UPP2: variants seen among roughly 807,000 people sequenced by gnomAD.
UPP2 encodes uridine phosphorylase 2.
A neutral mutation model predicts 26.7 loss-of-function variants in UPP2; 23 were observed. The ratio of observed to expected loss-of-function variants is 0.86; its 90% CI spans 0.62 to 1.22. The LOEUF (loss-of-function observed/expected upper bound fraction) is 1.22, where lower values mean the gene tolerates loss of function less well. UPP2 is among the 50% of genes most tolerant of loss of function. The probability of loss-of-function intolerance (pLI) is 0.00; values close to 1 mark genes in which losing one functional copy is unlikely to be tolerated. For synonymous variants in UPP2, 127 were observed against 141.3 expected (o/e 0.90, Z 0.72); for missense variants, 387 against 396.7 (o/e 0.98, Z 0.21).
At chr2:158,129,254 C>A (rs1470946008) in intron 6 of UPP2, among the ~76,000 whole-genome samples, 1 of 152,046 alleles carries the variant, frequency 6.6e-6, no homozygotes, top group East Asian at 1.9e-4. Flanking sequence ...GAGCCTCTCA[C>A]CCCCACCTCC....
chr2:158,072,627 C>T (rs1358173004), intron 3 of UPP2, among the ~76,000 whole-genome samples: 1 of 149,194 alleles, frequency 6.7e-6, no homozygotes, highest in Non-Finnish European at 1.5e-5. Flanking sequence ...GGCAGCTCAG[C>T]ACACAGAGAG....
chr2:158,053,797 A>G (rs773445576), intron 3 of UPP2, among the ~76,000 whole-genome samples: 1 of 152,224 alleles, frequency 6.6e-6, no homozygotes, highest in South Asian at 2.1e-4. Flanking sequence ...TTTATCTTCT[A>G]CAATTCAAAT....
chr2:158,095,260 G>C (rs555626318), intron 3 of UPP2, among the ~76,000 whole-genome samples: 1 of 152,262 alleles, frequency 6.6e-6, no homozygotes, highest in South Asian at 2.1e-4. Context: ...TCAGCTTTAG[G>C]ACTGGGCCAT....
chr2:158,078,901 G>GT (rs2105193068), intron 3 of UPP2, among the ~76,000 whole-genome samples: 1 of 152,192 alleles, frequency 6.6e-6, no homozygotes, highest in African/African-American at 2.4e-5. Context: ...ATATGGTGTG[G>GT]TTCTGCATCT....
intron 2 of UPP2, among the ~76,000 whole-genome samples, chr2:157,998,908 A>G (rs1371490033): frequency 6.6e-6 from 1 of 152,174 alleles, no homozygotes. Flanking sequence ...TATTTCTTCA[A>G]ACTTTGTTCC....
chr2:158,135,155 G>A lies in UPP2; in HGVS notation c.*265G>A, dbSNP rs879217567. The stretch of plus-strand genomic sequence containing the variant: ...AAACTCCTGGATTATGACATTTGGA[G>A]TTTCATATGCAGCATTAATTAAGCT... On this transcript the variant is annotated 3_prime_UTR_variant, in exon 7 of 7. Transcript: ENST00000005756. The A allele has an allele frequency of 8.2e-5, 25 of 303,756 alleles. No individual in the cohort carries two copies. In the South Asian group the frequency reaches 1.6e-3, roughly 20 times the overall value. 18.8% of individuals were successfully genotyped at this position (303,756 alleles called of 1,614,324 possible).
At chr2:157,998,761 C>T (rs893563018) in intron 2 of UPP2, among the ~76,000 whole-genome samples, 2 of 152,110 alleles carry the variant, frequency 1.3e-5, no homozygotes, top group Non-Finnish European at 2.9e-5. Context: ...CGAGATTGCA[C>T]CGCTGCACTG....
intron 3 of UPP2, among the ~76,000 whole-genome samples, chr2:158,063,429 T>C (rs1442511073): frequency 1.3e-5 from 2 of 152,186 alleles, no homozygotes; most frequent in African/African-American, 4.8e-5. Context: ...AGTATAACTT[T>C]GATGTCTGAA....
intron 6 of UPP2, among the ~76,000 whole-genome samples, chr2:158,133,462 A>C (rs1233459018): frequency 3.9e-5 from 6 of 152,150 alleles, no homozygotes; most frequent in Non-Finnish European, 8.8e-5. Context: ...TAGCATAGTG[A>C]TGAGAGTTTG....
intron 3 of UPP2, among the ~76,000 whole-genome samples, chr2:158,084,270 AC>A (rs1682778472): frequency 6.6e-6 from 1 of 152,028 alleles, no homozygotes; most frequent in Admixed American, 6.6e-5. Flanking sequence ...GTGACATTGA[AC>A]ATTTTTTCAT....
exon 3 of UPP2, chr2:158,015,837 T>C (rs948379629): frequency 4.6e-5 from 21 of 453,330 alleles, no homozygotes; most frequent in Non-Finnish European, 9.3e-5. Flanking sequence ...ACCATGATTG[T>C]AAGTGTCCTG....
At chr2:158,054,427 A>G (rs1267458330) in intron 3 of UPP2, among the ~76,000 whole-genome samples, 1 of 151,658 alleles carries the variant, frequency 6.6e-6, no homozygotes, top group Non-Finnish European at 1.5e-5. Flanking sequence ...TAGAGAAAGA[A>G]GGAAGTGAGA....
chr2:158,082,210 A>C (rs1184029115), intron 3 of UPP2, among the ~76,000 whole-genome samples: 1 of 152,110 alleles, frequency 6.6e-6, no homozygotes, highest in Non-Finnish European at 1.5e-5. Context: ...TTGGCCTCCC[A>C]AAGTGCTGGG....
intron 2 of UPP2, among the ~76,000 whole-genome samples, chr2:158,002,773 ATGT>A (rs1161745389): frequency 1.1e-4 from 16 of 152,316 alleles, no homozygotes; most frequent in Admixed American, 5.2e-4. Flanking sequence ...AACCATTTTA[ATGT>A]TGTGCTGTTT....
intron 3 of UPP2, among the ~76,000 whole-genome samples, chr2:158,059,221 G>C: frequency 6.6e-6 from 1 of 152,200 alleles, no homozygotes; most frequent in South Asian, 2.1e-4. Context: ...AGCATGATGG[G>C]AAAACATATG....
At chr2:158,016,000 G>T (rs1683652515) in intron 3 of UPP2, 1 of 273,478 alleles carries the variant, frequency 3.7e-6, no homozygotes, top group Non-Finnish European at 7.3e-6. Flanking sequence ...TGGGTCATAT[G>T]GTAATTCTAT....
chr2:158,009,385 A>C (rs7560277), intron 2 of UPP2, among the ~76,000 whole-genome samples: 5,983 of 152,256 alleles, frequency 0.039, 394 homozygotes, highest in African/African-American at 0.14. Flanking sequence ...CATTTTGTAC[A>C]AGGAATTTCA....
chr2:158,120,823 G>A (rs1195478136), intron 4 of UPP2, among the ~76,000 whole-genome samples: 13 of 151,946 alleles, frequency 8.6e-5, no homozygotes, highest in African/African-American at 2.9e-4. Context: ...AAGGTGGGGG[G>A]AGGAGGAGAT....
chr2:158,041,831 C>T (rs1684086421), intron 3 of UPP2, among the ~76,000 whole-genome samples: 1 of 152,212 alleles, frequency 6.6e-6, no homozygotes, highest in Admixed American at 6.5e-5. Flanking sequence ...ACCTCCCCCA[C>T]ACTGAATATG....
Sources: allele counts gnomAD v4.1 joint callset (sites outside exome capture counted in the v4.1 genomes callset), GRCh38; gene constraint gnomAD v4.1.1; transcripts MANE v1.5; gene names NCBI Gene and HGNC (gene_info 2026-07-23, HGNC 2026-07-21).